EPHA6: variants seen among roughly 807,000 people sequenced by gnomAD.
The protein encoded by EPHA6 is ephrin type-A receptor 6.
In EPHA6, 50 loss-of-function variants were observed where a neutral mutation model predicts 112.0. The ratio of observed to expected loss-of-function variants is 0.45; its 90% confidence interval spans 0.36 to 0.56. The LOEUF (loss-of-function observed/expected upper bound fraction) is 0.56, where lower values mean the gene tolerates loss of function less well. Ranked by LOEUF, EPHA6 falls within the 20% of genes least tolerant of loss-of-function variation. The pLI, the probability that EPHA6 is intolerant of heterozygous loss-of-function variation, is 0.00. For synonymous variants in EPHA6, 529 were observed against 490.7 expected (o/e 1.08, Z -1.03); for missense variants, 1,280 against 1,417.4 (o/e 0.90, Z 1.56).
chr3:97,222,492 T>C (rs1372985207), intron 3 of EPHA6, among the ~76,000 whole-genome samples: 1 of 152,182 alleles, frequency 6.6e-6, no homozygotes, highest in Non-Finnish European at 1.5e-5. Flanking sequence ...AGGAGTAATA[T>C]CCAAGTTCAC....
chr3:96,838,138 G>C (rs1233039955), intron 1 of EPHA6, among the ~76,000 whole-genome samples: 1 of 151,226 alleles, frequency 6.6e-6, no homozygotes, highest in Non-Finnish European at 1.5e-5. Context: ...TTATAAGTGA[G>C]AGCATGCAGT....
At chr3:97,323,310 G>A (rs1217175854) in intron 5 of EPHA6, among the ~76,000 whole-genome samples, 1 of 151,616 alleles carries the variant, frequency 6.6e-6, no homozygotes, top group Admixed American at 6.6e-5. Flanking sequence ...GACAAAAGAA[G>A]TAAATACAAG....
chr3:97,275,794 G>A (rs972811514), intron 5 of EPHA6, among the ~76,000 whole-genome samples: 3 of 137,776 alleles, frequency 2.2e-5, no homozygotes, highest in African/African-American at 7.1e-5. Context: ...CGGTCGCCAA[G>A]GAGGGAGTAG....
chr3:97,345,613 A>T (rs1229357948), intron 5 of EPHA6, among the ~76,000 whole-genome samples: 1 of 150,620 alleles, frequency 6.6e-6, no homozygotes, highest in African/African-American at 2.5e-5. Context: ...ACTAGATGAC[A>T]TTTCAATATC....
chr3:97,285,899 A>G (rs927963625), intron 5 of EPHA6, among the ~76,000 whole-genome samples: 1 of 152,052 alleles, frequency 6.6e-6, no homozygotes, highest in African/African-American at 2.4e-5. Flanking sequence ...ACCAGCATGT[A>G]CTATTTTTTG....
Position 97,720,334 on chromosome 3 carries a change from C to T in EPHA6, c.2858C>T (p.Ala953Val), listed in dbSNP as rs145812785. Residue 953 changes from alanine (A) to valine (V), a missense_variant, in exon 15 of 18, where the codon GCA becomes GTA. By Grantham distance (64) the Ala-to-Val change is moderately conservative. This residue lies in a region of EPHA6 where 37 missense variants were observed against 92.9 expected (regional missense o/e 0.40). Transcript: ENST00000389672. ...AYRKFSSASD[A>V]WSYGIVMWEV... Reference sequence around the variant, plus strand: ...AGAAAATTCTCCTCAGCAAGCGATGCATGGAGCTATGGCATTGTCATGTGG... The same window carrying T: ...AGAAAATTCTCCTCAGCAAGCGATGTATGGAGCTATGGCATTGTCATGTGG... 9.3e-5 allele frequency: 150 copies of T among 1,611,210 alleles called. No individual in the cohort carries two copies. In the African/African-American group the frequency reaches 1.8e-3, roughly 19 times the overall value.
intron 12 of EPHA6, among the ~76,000 whole-genome samples, chr3:97,607,184 CA>C (rs11437335): frequency 0.012 from 1,070 of 86,040 alleles, 9 homozygotes; most frequent in Middle Eastern, 0.035. Context: ...TTGTCTGAGG[CA>C]AAAAAAAAAA....
At chr3:96,992,668 G>T (rs990281899) in intron 3 of EPHA6, among the ~76,000 whole-genome samples, 5 of 152,002 alleles carry the variant, frequency 3.3e-5, no homozygotes, top group Non-Finnish European at 7.4e-5. Flanking sequence ...AGCATTCAAG[G>T]AATTGTACAT....
At chr3:96,858,522 T>C (rs758839956) in intron 1 of EPHA6, among the ~76,000 whole-genome samples, 11 of 152,120 alleles carry the variant, frequency 7.2e-5, no homozygotes, top group East Asian at 1.9e-4. Flanking sequence ...TGTCGTGATA[T>C]TAGGTATGCC....
At chr3:97,186,849 C>A (rs2077153115) in intron 3 of EPHA6, among the ~76,000 whole-genome samples, 1 of 152,100 alleles carries the variant, frequency 6.6e-6, no homozygotes, top group South Asian at 2.1e-4. Flanking sequence ...ATGTTTCCCA[C>A]TCTTTTCACC....
intron 10 of EPHA6, among the ~76,000 whole-genome samples, chr3:97,529,399 A>G (rs926459680): frequency 1.3e-5 from 2 of 152,044 alleles, no homozygotes; most frequent in East Asian, 3.9e-4. Flanking sequence ...TGTAAGACCT[A>G]CCTTTGTAAT....
chr3:97,218,066 G>T (rs1164610226), intron 3 of EPHA6, among the ~76,000 whole-genome samples: 1 of 152,080 alleles, frequency 6.6e-6, no homozygotes, highest in East Asian at 1.9e-4. Flanking sequence ...AAGCACAGAA[G>T]AATGGGACCA....
intron 13 of EPHA6, among the ~76,000 whole-genome samples, chr3:97,619,224 TA>T (rs952931490): frequency 3.9e-5 from 6 of 152,010 alleles, no homozygotes; most frequent in Non-Finnish European, 5.9e-5. Context: ...TCCTTCATGT[TA>T]AAAACTCTCA....
At chr3:97,481,507 T>G (rs2091543915) in intron 9 of EPHA6, 2 of 1,054,518 alleles carry the variant, frequency 1.9e-6, no homozygotes, top group African/African-American at 1.6e-5. Flanking sequence ...CGGTTCTTCC[T>G]CCGGCGCGGG....
chr3:97,211,060 C>A (rs2077859893), intron 3 of EPHA6, among the ~76,000 whole-genome samples: 2 of 152,318 alleles, frequency 1.3e-5, no homozygotes, highest in South Asian at 4.1e-4. Context: ...AGCTCTATTA[C>A]CTTTTATGAC....
chr3:97,133,245 G>A (rs989853433), intron 3 of EPHA6, among the ~76,000 whole-genome samples: 1 of 151,972 alleles, frequency 6.6e-6, no homozygotes, highest in African/African-American at 2.4e-5. Context: ...GAAATACTGG[G>A]TTAAGCCATC....
intron 3 of EPHA6, among the ~76,000 whole-genome samples, chr3:97,074,304 G>T (rs956206987): frequency 1.3e-5 from 2 of 151,914 alleles, no homozygotes; most frequent in Non-Finnish European, 2.9e-5. Context: ...TAGTATGTCA[G>T]TCAGCACATA....
intron 4 of EPHA6, among the ~76,000 whole-genome samples, chr3:97,235,826 C>T (rs1448567201): frequency 6.6e-6 from 1 of 152,068 alleles, no homozygotes; most frequent in Non-Finnish European, 1.5e-5. Context: ...GGATCTTAAT[C>T]CAGTTATTCC....
intron 11 of EPHA6, among the ~76,000 whole-genome samples, chr3:97,541,540 C>T (rs939493812): frequency 5.3e-5 from 8 of 152,032 alleles, no homozygotes; most frequent in African/African-American, 1.2e-4. Flanking sequence ...ATGTCCTTTT[C>T]GCTGCTCCAG....
Sources: gnomAD v4.1 joint callset for allele counts (sites outside exome capture counted in the v4.1 genomes callset) on GRCh38, gnomAD v4.1.1 for gene constraint, gnomAD v4.1.1 regional missense constraint, MANE v1.5 for transcripts, NCBI Gene and HGNC (gene_info 2026-07-23, HGNC 2026-07-21) for gene names.